PELP1: variants seen among roughly 807,000 people sequenced by gnomAD.
PELP1 encodes proline, glutamate and leucine rich protein 1.
A neutral mutation model predicts 95.5 loss-of-function variants in PELP1; 32 were observed. The observed-to-expected ratio is 0.34, with a 90% confidence interval of 0.25 to 0.45. The LOEUF (loss-of-function observed/expected upper bound fraction) is 0.45, where lower values mean the gene tolerates loss of function less well. Among genes scored for constraint, PELP1 ranks in the 20% least tolerant of loss-of-function variants. PELP1 has a pLI of 1.00. For synonymous variants in PELP1, 668 were observed against 600.1 expected, an observed-to-expected ratio of 1.11 and a Z score of -1.65; for missense variants, 1,358 against 1,444.8, an observed-to-expected ratio of 0.94 and a Z score of 0.97.
intron 3 of PELP1, among the ~76,000 whole-genome samples, chr17:4,688,165 T>C (rs1255498752): frequency 6.6e-6 from 1 of 152,014 alleles, no homozygotes; most frequent in Non-Finnish European, 1.5e-5. Flanking sequence ...CGAAACCCTA[T>C]CTCTACTAAA....
At chr17:4,683,505 C>T (rs1450785930) in intron 3 of PELP1, among the ~76,000 whole-genome samples, 8 of 141,806 alleles carry the variant, frequency 5.6e-5, no homozygotes, top group Non-Finnish European at 1.1e-4. Flanking sequence ...AGGTGTGAGC[C>T]ATCACGCCCA....
At position 4,676,778 on chromosome 17, in the gene PELP1, TC is replaced by T; in HGVS notation, c.676del (p.Asp226MetfsTer3). The T allele has an allele frequency of 6.4e-7, 1 of 1,571,328 alleles. No homozygotes were observed. On this transcript the variant is annotated frameshift_variant, in exon 6 of 17. Coordinates refer to ENST00000572293, the MANE Select transcript of PELP1 (RefSeq NM_014389.3). LOFTEE classifies it high-confidence loss of function. ...KLASFFLSRV[D>X]ALSPQLQQLA... ...CTGTTGGAGCTGAGGGCTCAAGGCA[TC>T]CACCCTAGACAGAAAAAATGAGGCC...
chr17:4,673,080 G>C lies in PELP1; in HGVS notation c.1911C>G (p.Pro637=). 6.6e-7 allele frequency: 1 copy of C among 1,525,258 alleles called. No individual in the cohort carries two copies. Among genetic ancestry groups the C allele is most frequent in the Non-Finnish European group, 8.8e-7 (1 of 1,139,268 alleles). 94.5% of individuals were successfully genotyped at this position (1,525,258 alleles called of 1,614,324 possible). A position where few individuals can be genotyped will look rare whatever the true frequency, so the allele number is the denominator to read the frequency against. Residue 637 remains proline, a synonymous_variant, in exon 16 of 17, where the codon CCC becomes CCG. Transcript: ENST00000572293. The surrounding 1 kb of genome is among the most constrained non-coding windows in gnomAD (Gnocchi z 5.7). ...GGCAGGTGGGGCCCATGGGCTGCAG[G>C]GGAGGAACCCGGGGGTGGGTCAGAG... is the stretch of plus-strand genomic sequence containing the variant. ...CAALTHPRVP[P]LQPMGPTCPT...
At chr17:4,680,948 C>T (rs968463349) in intron 5 of PELP1, among the ~76,000 whole-genome samples, 26 of 152,218 alleles carry the variant, frequency 1.7e-4, no homozygotes, top group Non-Finnish European at 1.5e-5. Context: ...AAAAACAACA[C>T]TGTAATTCTT....
At chr17:4,702,450 GATA>G (rs750405261) in intron 1 of PELP1, among the ~76,000 whole-genome samples, 4 of 152,036 alleles carry the variant, frequency 2.6e-5, no homozygotes, top group Non-Finnish European at 5.9e-5. Context: ...ACTATTGTGA[GATA>G]AAGAAAACAG....
intron 1 of PELP1, among the ~76,000 whole-genome samples, chr17:4,695,866 C>T (rs1245597051): frequency 6.6e-6 from 1 of 150,718 alleles, no homozygotes; most frequent in Non-Finnish European, 1.5e-5. Flanking sequence ...GTGGTTTCAC[C>T]ATATTGGTCA....
rs376883779 is a variant in PELP1 at position 4,672,251 on chromosome 17, C to G, written c.2740G>C (p.Glu914Gln). 6.4e-7 allele frequency: 1 copy of G among 1,552,910 alleles called. No homozygotes were observed. The change falls in exon 16 of 17, where the codon GAA becomes CAA. Residue 914 changes from glutamate (E) to glutamine (Q), a missense_variant. Coordinates refer to ENST00000572293, the MANE Select transcript of PELP1 (RefSeq NM_014389.3). ...EEEEEDFEEEEEDEEEYFEEE... is the reference protein window; with the variant it reads ...EEEEEDFEEEQEDEEEYFEEE... ...TCAAAATATTCCTCTTCATCCTCTT[C>G]CTCTTCCTCAAAGTCTTCCTCCTCT...
At chr17:4,677,122 G>C (rs944715252) in intron 5 of PELP1, among the ~76,000 whole-genome samples, 16 of 151,314 alleles carry the variant, frequency 1.1e-4, no homozygotes, top group South Asian at 2.1e-4. Context: ...AAAGGACATA[G>C]TACTAAAAAA....
chr17:4,673,243 C>T lies in PELP1; in HGVS notation c.1845+7G>A, dbSNP rs1465237949. 10 of 1,563,738 alleles carry T rather than the reference C, an allele frequency of 6.4e-6. No homozygotes were observed. Among genetic ancestry groups the T allele is most frequent in the Admixed American group, 1.9e-5 (1 of 52,144 alleles). ...AACCAAAGAGGGGCTTGGCCCATCA[C>T]AGTTACCTCAAGGCTATCTTCTCGC... is the stretch of plus-strand genomic sequence containing the variant. On this transcript the variant is annotated splice_region_variant and intron_variant, in intron 15 of 16. Coordinates refer to ENST00000572293, the MANE Select transcript of PELP1 (RefSeq NM_014389.3). This position sits in a 1 kb window ranked among gnomAD's most constrained non-coding sequence, Gnocchi z 5.7.
Position 4,682,830 on chromosome 17 carries a change from G to T in PELP1, c.543C>A (p.Leu181=), listed in dbSNP as rs1477229999. ...CTGGCCTGAGGCCCAGCAGGGAGGT[G>T]AGAAGGCCAGGGAGGTGGTTCATGG... ...DISMNHLPGL[L]TSLLGLRPEC... The change falls in exon 4 of 17, where the codon CTC becomes CTA. Residue 181 remains leucine, a synonymous_variant. Coordinates refer to ENST00000572293, the MANE Select transcript of PELP1 (RefSeq NM_014389.3). The T allele has an allele frequency of 6.3e-7, 1 of 1,594,772 alleles. No individual in the cohort carries two copies. Among genetic ancestry groups the T allele is most frequent in the Non-Finnish European group, 8.5e-7 (1 of 1,172,108 alleles).
intron 1 of PELP1, among the ~76,000 whole-genome samples, chr17:4,701,647 G>C (rs150625303): frequency 3.0e-4 from 45 of 152,344 alleles, no homozygotes; most frequent in Non-Finnish European, 5.4e-4. Context: ...TGATCAAACA[G>C]TGGATCCCCC....
At chr17:4,682,446 G>A (rs1912723215) in intron 5 of PELP1, 56 bp downstream of exon 5, 4 of 1,133,180 alleles carry the variant, frequency 3.5e-6, no homozygotes, top group Non-Finnish European at 5.4e-6. Flanking sequence ...ACAGGAATCT[G>A]AGGTAAGAGC....
chr17:4,674,189 G>A (rs548531480), intron 13 of PELP1, among the ~76,000 whole-genome samples: 4 of 152,376 alleles, frequency 2.6e-5, no homozygotes, highest in African/African-American at 9.6e-5. Context: ...GGAAGCGAAG[G>A]CCTTGGAGGG....
In PELP1 at chr17:4,673,271, G is replaced by C. The variant is rs1348583442; in HGVS notation, c.1824C>G (p.Gly608=). 6.3e-7 allele frequency: 1 copy of C among 1,575,480 alleles called. No homozygotes were observed. Among genetic ancestry groups the C allele is most frequent in the African/African-American group, 1.3e-5 (1 of 74,124 alleles). The change falls in exon 15 of 17, where the codon GGC becomes GGG. Residue 608 remains glycine (G), a synonymous_variant. Coordinates refer to ENST00000572293, the MANE Select transcript of PELP1 (RefSeq NM_014389.3). This position sits in a 1 kb window ranked among gnomAD's most constrained non-coding sequence, Gnocchi z 5.7. ...TTACCTCAAGGCTATCTTCTCGCTG[G>C]CCGAGGGAGAAGGCTTGCAGGGCAC... ...LACALQAFSL[G]QREDSLEVSS... is the part of the protein sequence containing the mutation.
intron 3 of PELP1, among the ~76,000 whole-genome samples, chr17:4,690,184 A>T (rs558574011): frequency 3.3e-5 from 5 of 152,340 alleles, no homozygotes; most frequent in African/African-American, 1.2e-4. Flanking sequence ...ATGAAAAACC[A>T]AACATCGTAT....
Position 4,675,001 on chromosome 17 carries a change from T to TGCCAGAAGCCCCA in PELP1, c.1275-58_1275-46dup. The TGCCAGAAGCCCCA allele has an allele frequency of 1.2e-6, 2 of 1,605,988 alleles. No homozygotes were observed. The highest frequency in any genetic ancestry group is 2.2e-5 in the South Asian group (2 of 90,648). ...GGCAGTTATGAATGGGGGGTCAACA[T>TGCCAGAAGCCCCA]GCCAGAAGCCCCAGCCCACCTGCAC... On this transcript the variant is annotated intron_variant, in intron 11 of 16. Coordinates refer to ENST00000572293, the MANE Select transcript of PELP1 (RefSeq NM_014389.3). The surrounding 1 kb of genome is among the most constrained non-coding windows in gnomAD (Gnocchi z 4.3).
chr17:4,674,468 C>T (rs777275807), intron 13 of PELP1, 42 bp downstream of exon 13: 9 of 1,577,186 alleles, frequency 5.7e-6, no homozygotes, highest in South Asian at 1.1e-5. Context: ...AGGATGGGGT[C>T]CCGTTTGAGC....
In PELP1 at chr17:4,675,360, G is replaced by C. The variant is rs1278351332; in HGVS notation, c.1071C>G (p.Ser357Arg). ...GCCGCAGGGGACCATCTCCATGCAA[G>C]CTCTGGAGAAAAAAGGGGCAGAGAT... The part of the protein sequence containing the change: ...RTLSVSSKNI[S>R]LHGDGPLRLL... Residue 357 changes from serine (S) to arginine (R), a missense_variant and splice_region_variant, in exon 10 of 17, where the codon AGC (serine) becomes AGG (arginine). This residue lies in a region of PELP1 where 538 missense variants were observed against 628.1 expected (regional missense o/e 0.86). Transcript: ENST00000572293. The surrounding 1 kb of genome is among the most constrained non-coding windows in gnomAD (Gnocchi z 4.3). The C allele has an allele frequency of 1.3e-6, 2 of 1,516,570 alleles. No homozygotes were observed. Among genetic ancestry groups the C allele is most frequent in the East Asian group, 2.4e-5 (1 of 41,022 alleles). The allele number at this position is 1,516,570 out of a possible 1,614,324, so 93.9% of individuals were successfully genotyped here.
intron 3 of PELP1, 50 bp downstream of exon 3, chr17:4,690,838 G>A (rs1456298356): frequency 8.7e-7 from 1 of 1,143,658 alleles, no homozygotes; most frequent in Non-Finnish European, 1.3e-6. Flanking sequence ...TCCAAGATGG[G>A]GAATAAGATG....
Sources: allele counts gnomAD v4.1 joint callset (sites outside exome capture counted in the v4.1 genomes callset), GRCh38; gene constraint gnomAD v4.1.1; regional missense constraint gnomAD v4.1.1; non-coding constraint Gnocchi (gnomAD v3.1); transcripts MANE v1.5; gene names NCBI Gene and HGNC (gene_info 2026-07-23, HGNC 2026-07-21).